The following FMN1 variants were observed in gnomAD, a reference collection of about 807,000 sequenced individuals.
FMN1 encodes formin 1.
Under a neutral mutation model 132.4 loss-of-function variants are expected in FMN1, and 110 were observed. The ratio of observed to expected loss-of-function variants is 0.83; its 90% CI spans 0.71 to 0.97. FMN1 has a LOEUF of 0.97. Among genes scored for constraint, FMN1 ranks in the 50% least tolerant of loss-of-function variants. The probability of loss-of-function intolerance (pLI) is 0.00; values close to 1 mark genes in which losing one functional copy is unlikely to be tolerated. For missense variants in FMN1, 1,792 were observed against 1,705.3 expected (o/e 1.05, Z -0.90); for synonymous variants, 722 against 651.7 (o/e 1.11, Z -1.64).
chr15:32,844,411 C>T (rs2058813682), intron 17 of FMN1, among the ~76,000 whole-genome samples: 1 of 151,976 alleles, frequency 6.6e-6, no homozygotes, highest in African/African-American at 2.4e-5. Context: ...ATGTACATCC[C>T]TTATATCATC....
intron 7 of FMN1, among the ~76,000 whole-genome samples, chr15:32,974,121 C>T (rs1170208280): frequency 6.6e-6 from 1 of 152,336 alleles, no homozygotes; most frequent in East Asian, 1.9e-4. Flanking sequence ...TTTACTTATA[C>T]ATTGAACATG....
intron 3 of FMN1, among the ~76,000 whole-genome samples, chr15:33,164,305 A>C (rs4369627): frequency 0.81 from 123,200 of 152,152 alleles, 50,548 homozygotes; most frequent in Middle Eastern, 0.9. Flanking sequence ...CTGTGAAACT[A>C]TGATTTGACT....
At chr15:33,007,286 T>A (rs1389713530) in intron 7 of FMN1, among the ~76,000 whole-genome samples, 8 of 152,298 alleles carry the variant, frequency 5.3e-5, no homozygotes, top group Admixed American at 4.6e-4. Flanking sequence ...GGAAAAAATG[T>A]TACTGAAATT....
At chr15:32,866,204 G>A (rs1376961225) in intron 16 of FMN1, among the ~76,000 whole-genome samples, 1 of 144,486 alleles carries the variant, frequency 6.9e-6, no homozygotes, top group Non-Finnish European at 1.5e-5. Flanking sequence ...TTGTGCACAT[G>A]TACCCTAGAA....
chr15:33,117,227 AG>A (rs1239548522), intron 4 of FMN1, among the ~76,000 whole-genome samples: 1 of 152,196 alleles, frequency 6.6e-6, no homozygotes, highest in East Asian at 1.9e-4. Flanking sequence ...AAACAAATCC[AG>A]GGTGCCACTG....
intron 7 of FMN1, among the ~76,000 whole-genome samples, chr15:32,994,212 C>CCTCTCTCTCT (rs771176022): frequency 0.03 from 4,446 of 146,344 alleles, 107 homozygotes; most frequent in African/African-American, 0.062. Context: ...AGAACTCATT[C>CCTCTCTCTCT]CTCTCTCTCT....
intron 18 of FMN1, among the ~76,000 whole-genome samples, chr15:32,799,805 A>G (rs562617715): frequency 2.0e-5 from 3 of 152,252 alleles, no homozygotes; most frequent in South Asian, 2.1e-4. Flanking sequence ...TTTGAACTCA[A>G]TCTTTCCCCC....
At position 32,858,039 on chromosome 15, in the gene FMN1, A is replaced by G. The variant is rs372691583; in HGVS notation, c.3836-932T>C. Among the ~76,000 whole-genome samples the G allele has an allele frequency of 3.1e-4, 47 of 152,342 alleles. No homozygotes were observed. The East Asian group carries it at 4.1e-3, about 13-fold the overall frequency. ...TGTTCTTGTCCAAAAGCCTATTAAT[A>G]AAGCACTGGATTTCACCATAAAGAT... On this transcript the variant is annotated intron_variant, in intron 16 of 20. Coordinates refer to ENST00000616417, the MANE Select transcript of FMN1 (RefSeq NM_001277313.2).
At chr15:32,990,510 A>G (rs1034522647) in intron 7 of FMN1, among the ~76,000 whole-genome samples, 2 of 152,202 alleles carry the variant, frequency 1.3e-5, no homozygotes, top group Non-Finnish European at 2.9e-5. Flanking sequence ...ACAAGTCATT[A>G]ATGTTTAAGA....
chr15:33,180,822 T>C (rs887794989), intron 2 of FMN1, among the ~76,000 whole-genome samples: 1 of 144,188 alleles, frequency 6.9e-6, no homozygotes, highest in Non-Finnish European at 1.5e-5. Flanking sequence ...TGATCACGGC[T>C]CACTGCAACC....
At chr15:33,167,946 G>A (rs115778695) in intron 3 of FMN1, among the ~76,000 whole-genome samples, 2,131 of 152,260 alleles carry the variant, frequency 0.014, 49 homozygotes, top group African/African-American at 0.048. Flanking sequence ...AGAAGGGAGG[G>A]AGGAGAGACA....
chr15:32,776,956 G>C, intron 19 of FMN1, 37 bp from the exon 20 acceptor site: 1 of 1,230,162 alleles, frequency 8.1e-7, no homozygotes, highest in African/African-American at 1.5e-5. Flanking sequence ...GGGAGAGAGG[G>C]AAAAGAAAGG....
At position 32,766,928 on chromosome 15, in the gene FMN1, C is replaced by T. The variant is rs989994690; in HGVS notation, c.*7382G>A. The T allele has an allele frequency of 6.6e-6, 1 of 152,180 alleles. No individual in the cohort carries two copies. Among genetic ancestry groups the T allele is most frequent in the Non-Finnish European group, 1.5e-5 (1 of 68,038 alleles). 9.4% of individuals were successfully genotyped at this position (152,180 alleles called of 1,614,324 possible). A position where few individuals can be genotyped will look rare whatever the true frequency, so the allele number is the denominator to read the frequency against. On this transcript the variant is annotated 3_prime_UTR_variant, in exon 21 of 21. Coordinates refer to ENST00000616417, the MANE Select transcript of FMN1 (RefSeq NM_001277313.2). ...GAAGTCAAAATGACTTTTGAACAGG[C>T]ATGGAGTAAACAGGGTCTATGGTCA...
chr15:32,793,335 A>G (rs1476124470), intron 19 of FMN1, among the ~76,000 whole-genome samples: 1 of 151,340 alleles, frequency 6.6e-6, no homozygotes, highest in Non-Finnish European at 1.5e-5. Flanking sequence ...GCTGGAGTGC[A>G]GTGGCGCGAT....
intron 6 of FMN1, among the ~76,000 whole-genome samples, chr15:33,048,645 A>AAAAAAAAAAAAAAAAAAAAAAAAAC (rs1566865413): frequency 1.2e-5 from 1 of 83,130 alleles, no homozygotes; most frequent in African/African-American, 4.3e-5. Context: ...AAAAAAAAAA[A>AAAAAAAAAAAAAAAAAAAAAAAAAC]AAAACCAACA....
At chr15:32,850,467 C>T (rs963831575) in intron 17 of FMN1, among the ~76,000 whole-genome samples, 68 of 152,094 alleles carry the variant, frequency 4.5e-4, no homozygotes, top group African/African-American at 1.5e-3. Context: ...AATGTATTAT[C>T]GACCAAAAAT....
intron 6 of FMN1, among the ~76,000 whole-genome samples, chr15:33,043,013 C>T (rs902574779): frequency 2.0e-5 from 3 of 152,104 alleles, no homozygotes; most frequent in African/African-American, 7.3e-5. Context: ...TAAATACAGA[C>T]AGTCCCTGAC....
intron 16 of FMN1, among the ~76,000 whole-genome samples, chr15:32,865,477 T>G (rs900450887): frequency 3.3e-5 from 5 of 152,208 alleles, no homozygotes; most frequent in African/African-American, 1.2e-4. Context: ...GAGTTTGAGA[T>G]GCACATGTAA....
intron 6 of FMN1, among the ~76,000 whole-genome samples, chr15:33,027,067 A>G (rs992554553): frequency 1.3e-5 from 2 of 151,938 alleles, no homozygotes; most frequent in Admixed American, 6.6e-5. Context: ...AAAGCCTAAC[A>G]GACATATTTT....
Sources: allele counts gnomAD v4.1 joint callset (sites outside exome capture counted in the v4.1 genomes callset), GRCh38; gene constraint gnomAD v4.1.1; transcripts MANE v1.5; gene names NCBI Gene and HGNC (gene_info 2026-07-23, HGNC 2026-07-21).